The following NDUFA10 variants were observed in gnomAD, a reference collection of about 807,000 sequenced individuals.
NDUFA10 encodes the protein NADH dehydrogenase [ubiquinone] 1 alpha subcomplex subunit 10, mitochondrial.
Under a neutral mutation model 47.8 loss-of-function variants are expected in NDUFA10, and 40 were observed. The observed-to-expected ratio is 0.84, with a 90% CI of 0.65 to 1.09. The LOEUF (loss-of-function observed/expected upper bound fraction) is 1.09, where lower values mean the gene tolerates loss of function less well. Among genes scored for constraint, NDUFA10 ranks in the 50% least tolerant of loss-of-function variants. The pLI, the probability that NDUFA10 is intolerant of heterozygous loss-of-function variation, is 0.00. For missense variants in NDUFA10, 413 were observed against 451.1 expected (o/e 0.92, Z 0.76); for synonymous variants, 183 against 172.2 (o/e 1.06, Z -0.49).
At chr2:239,901,467 G>GA (rs886747501) in intron 4 of NDUFA10, among the ~76,000 whole-genome samples, 4 of 151,704 alleles carry the variant, frequency 2.6e-5, no homozygotes, top group East Asian at 1.9e-4. Flanking sequence ...CTACTGCTCA[G>GA]AAAAAAAAGA....
chr2:239,908,648 T>A (rs2106469642), intron 4 of NDUFA10, among the ~76,000 whole-genome samples: 1 of 152,326 alleles, frequency 6.6e-6, no homozygotes, highest in East Asian at 1.9e-4. Flanking sequence ...ACCAATGCGC[T>A]GTTAGGAAAG....
At chr2:239,973,532 C>T (rs1328889519) in intron 9 of NDUFA10, 2 of 470,702 alleles carry the variant, frequency 4.2e-6, no homozygotes, top group African/African-American at 4.0e-5. Context: ...ATTCTGTTGT[C>T]CTAGCAACTA....
chr2:239,900,165 G>C (rs7594238), intron 4 of NDUFA10, among the ~76,000 whole-genome samples: 6 of 151,570 alleles, frequency 4.0e-5, no homozygotes, highest in Non-Finnish European at 2.9e-5. Context: ...AGGGGGTCTC[G>C]GGCCTTCAGC....
chr2:239,984,850 T>C (rs1436235999), intron 9 of NDUFA10, among the ~76,000 whole-genome samples: 1 of 152,190 alleles, frequency 6.6e-6, no homozygotes, highest in African/African-American at 2.4e-5. Context: ...CCGGCAGAGC[T>C]TTCAGCAGCA....
At position 240,021,295 on chromosome 2, in the gene NDUFA10, G is replaced by C. The variant is rs868308417; in HGVS notation, c.362C>G (p.Pro121Arg). 6.2e-7 allele frequency: 1 copy of C among 1,614,022 alleles called. No homozygotes were observed. Among genetic ancestry groups the C allele is most frequent in the African/African-American group, 1.3e-5 (1 of 74,900 alleles). Residue 121 changes from proline (P) to arginine (R), a missense_variant, in exon 3 of 10, where the codon CCG becomes CGG. Coordinates refer to ENST00000252711, the MANE Select transcript of NDUFA10 (RefSeq NM_004544.4). ...NCSLEKFYDD[P>R]RSNDGNSYRL... ...GTAACTGTTGCCATCATTGCTTCTCGGATCATCGTAAAATTTCTCCAAACT... is the reference window on the plus strand; with the variant it reads ...GTAACTGTTGCCATCATTGCTTCTCCGATCATCGTAAAATTTCTCCAAACT...
chr2:239,963,067 C>T (rs937673395), intron 9 of NDUFA10, among the ~76,000 whole-genome samples: 1 of 152,132 alleles, frequency 6.6e-6, no homozygotes, highest in African/African-American at 2.4e-5. Context: ...GAGGGTGGCA[C>T]AGCCAGCCTC....
chr2:239,916,184 TACAC>T (rs1443772391), intron 4 of NDUFA10, among the ~76,000 whole-genome samples: 5 of 126,442 alleles, frequency 4.0e-5, no homozygotes, highest in African/African-American at 1.2e-4. Context: ...CACACAAACA[TACAC>T]ACAGAACACA....
At chr2:239,997,803 T>A (rs1696542875) in intron 8 of NDUFA10, among the ~76,000 whole-genome samples, 1 of 152,244 alleles carries the variant, frequency 6.6e-6, no homozygotes, top group Admixed American at 6.5e-5. Flanking sequence ...ACAGTTTCCA[T>A]CACATAATCC....
At chr2:240,010,152 T>C (rs1697086031) in intron 6 of NDUFA10, among the ~76,000 whole-genome samples, 1 of 152,220 alleles carries the variant, frequency 6.6e-6, no homozygotes, top group Admixed American at 6.5e-5. Context: ...TACTCATTCT[T>C]CAATGTGTGA....
At position 239,988,503 on chromosome 2, in the gene NDUFA10, T is replaced by C. The variant is rs567123385; in HGVS notation, c.999+1571A>G. On this transcript the variant is annotated intron_variant, in intron 9 of 9. Coordinates refer to ENST00000252711, the MANE Select transcript of NDUFA10 (RefSeq NM_004544.4). ...CAGGACTGAGATGGTGGGTTCTGCA[T>C]TGAGATCACGGCTGCTTCTGCCTTA... Among the ~76,000 whole-genome samples the C allele has an allele frequency of 7.5e-4, 114 of 152,264 alleles. 1 individual carries two copies. The highest frequency in any genetic ancestry group is 2.6e-3 in the African/African-American group (110 of 41,532).
intron 4 of NDUFA10, among the ~76,000 whole-genome samples, chr2:239,916,640 G>T (rs904426572): frequency 6.6e-6 from 1 of 152,258 alleles, no homozygotes; most frequent in African/African-American, 2.4e-5. Context: ...CATTCCAGAG[G>T]CTGAGAAGTC....
rs904538736 is a variant in NDUFA10, at chr2:240,016,229, C to T, written c.548-1369G>A. Among the ~76,000 whole-genome samples, 3 of 152,128 alleles carry T rather than the reference C, an allele frequency of 2.0e-5. No homozygotes were observed. The highest frequency in any genetic ancestry group is 4.4e-5 in the Non-Finnish European group (3 of 68,024). On this transcript the variant is annotated intron_variant, in intron 4 of 9. Coordinates refer to ENST00000252711, the MANE Select transcript of NDUFA10 (RefSeq NM_004544.4). This position sits in a 1 kb window ranked among gnomAD's most constrained non-coding sequence, Gnocchi z 4.4. ...AGGACGGAGGCTGCCAGTGGAGTAC[C>T]GTTCACCTGAGCATACAAACACAAA...
chr2:239,938,689 C>T (rs548846142), intron 4 of NDUFA10, among the ~76,000 whole-genome samples: 3 of 152,148 alleles, frequency 2.0e-5, no homozygotes, highest in East Asian at 1.9e-4. Context: ...GGTGGACTTG[C>T]GCAGATGCCG....
chr2:239,936,392 C>T (rs367695957), intron 4 of NDUFA10, among the ~76,000 whole-genome samples: 37 of 152,304 alleles, frequency 2.4e-4, no homozygotes, highest in Admixed American at 1.8e-3. Context: ...AGAGCACAGA[C>T]GCTGTTAGGG....
intron 4 of NDUFA10, among the ~76,000 whole-genome samples, chr2:239,907,158 A>G (rs1416753728): frequency 6.6e-6 from 1 of 152,230 alleles, no homozygotes; most frequent in Non-Finnish European, 1.5e-5. Flanking sequence ...AGAAATGGGG[A>G]AAGGATTCCC....
chr2:239,918,707 T>A (rs12471744), intron 4 of NDUFA10, among the ~76,000 whole-genome samples: 44,729 of 152,076 alleles, frequency 0.29, 6,732 homozygotes, highest in Middle Eastern at 0.34. Flanking sequence ...GGGGTGGAGT[T>A]GGTGCCTCAT....
chr2:239,997,508 A>G (rs1229805367), intron 8 of NDUFA10, among the ~76,000 whole-genome samples: 1 of 152,246 alleles, frequency 6.6e-6, no homozygotes, highest in African/African-American at 2.4e-5. Context: ...ACCAGGTCCA[A>G]GTATGAATAC....
chr2:240,003,761 G>A (rs549781401), intron 8 of NDUFA10, among the ~76,000 whole-genome samples: 5 of 152,260 alleles, frequency 3.3e-5, no homozygotes, highest in African/African-American at 9.6e-5. Context: ...GGAACTGGGC[G>A]TTGCAGTGAT....
rs1160604262 is a variant in NDUFA10, at chr2:240,025,290, C to T, written c.12G>A (p.Arg4=). 1 of 1,506,254 alleles carries T rather than the reference C, an allele frequency of 6.6e-7. No homozygotes were observed. The allele number at this position is 1,506,254 out of a possible 1,614,324, so 93.3% of individuals were successfully genotyped here. ...CGGACGTCGCTGCCAGCTTCAGGAGCCGCAAGGCCATGGCTACCCGGTCAG... is the reference window on the plus strand; with the variant it reads ...CGGACGTCGCTGCCAGCTTCAGGAGTCGCAAGGCCATGGCTACCCGGTCAG... The part of the protein sequence containing the change: MAL[R]LLKLAATSAS... Residue 4 remains arginine (R), a synonymous_variant, in exon 1 of 10, where the codon CGG becomes CGA. Coordinates refer to ENST00000252711, the MANE Select transcript of NDUFA10 (RefSeq NM_004544.4).
Sources: gnomAD v4.1 joint callset for allele counts (sites outside exome capture counted in the v4.1 genomes callset) on GRCh38, gnomAD v4.1.1 for gene constraint, Gnocchi (gnomAD v3.1) non-coding constraint, MANE v1.5 for transcripts, NCBI Gene and HGNC (gene_info 2026-07-23, HGNC 2026-07-21) for gene names.